Variants in ITFG2 observed in about 807,000 individuals in gnomAD.
ITFG2 encodes the protein KICSTOR complex protein ITFG2.
In ITFG2, 36 loss-of-function variants were observed where a neutral mutation model predicts 54.4. The observed-to-expected ratio is 0.66, with a 90% CI of 0.51 to 0.87. The LOEUF (loss-of-function observed/expected upper bound fraction) is 0.87. ITFG2 is among the 40% of genes least tolerant of loss of function. ITFG2 has a pLI of 0.00. For synonymous variants in ITFG2, 211 were observed against 225.4 expected, an observed-to-expected ratio of 0.94 and a Z score of 0.57; for missense variants, 524 against 576.7, an observed-to-expected ratio of 0.91 and a Z score of 0.94.
chr12:2,820,905 G>T (rs2097941829), intron 6 of ITFG2, 33 bp downstream of exon 6: 1 of 1,607,522 alleles, frequency 6.2e-7, no homozygotes, highest in Non-Finnish European at 8.5e-7. Flanking sequence ...ATGGTGTGGG[G>T]GTGCATGGAA....
chr12:2,828,107 A>C, downstream of ITFG2: 1 of 1,466,036 alleles, frequency 6.8e-7, no homozygotes, highest in Non-Finnish European at 9.4e-7. Flanking sequence ...CACCCCATTA[A>C]TCAGCAGGTG....
chr12:2,827,759 CT>C, downstream of ITFG2: 1 of 1,610,030 alleles, frequency 6.2e-7, no homozygotes, highest in South Asian at 1.1e-5. This position sits in a 1 kb window ranked among gnomAD's most constrained non-coding sequence, Gnocchi z 4.0. Context: ...TGCTCCTTCT[CT>C]GCCCACCCCA....
downstream of ITFG2, chr12:2,830,994 C>T: frequency 7.0e-6 from 6 of 852,898 alleles, no homozygotes; most frequent in South Asian, 3.7e-5. Context: ...GGAGTTTACC[C>T]TAGGGTCCCA....
At chr12:2,830,534 A>C (rs530488945) in intron 2 of ITFG2, 4 of 605,046 alleles carry the variant, frequency 6.6e-6, no homozygotes. Flanking sequence ...CCGAGGAGAC[A>C]TGGCTTGGGG....
chr12:2,849,910 A>G (rs148621336), intron 2 of ITFG2, among the ~76,000 whole-genome samples: 77 of 152,362 alleles, frequency 5.1e-4, no homozygotes, highest in African/African-American at 1.7e-3. Context: ...GCCTCTTCTC[A>G]GTAAGCCTGC....
At chr12:2,856,928 A>G (rs1319743611) in intron 2 of ITFG2, 2 of 702,888 alleles carry the variant, frequency 2.8e-6, no homozygotes, top group Non-Finnish European at 5.2e-6. Flanking sequence ...ACAAAAAGGT[A>G]GGCGGCAGAG....
At chr12:2,858,461 C>T (rs923942157) in intron 3 of ITFG2, 18 of 589,708 alleles carry the variant, frequency 3.1e-5, no homozygotes, top group Non-Finnish European at 4.8e-5. Context: ...TCTTGGGGAA[C>T]ACAAGGTCCC....
chr12:2,844,433 A>G (rs1441780822), intron 2 of ITFG2, among the ~76,000 whole-genome samples: 1 of 152,118 alleles, frequency 6.6e-6, no homozygotes, highest in African/African-American at 2.4e-5. Context: ...GTGCGCTTGT[A>G]ATCCCAGCTA....
chr12:2,822,062 G>A (rs1302533912), intron 9 of ITFG2, among the ~76,000 whole-genome samples: 1 of 151,854 alleles, frequency 6.6e-6, no homozygotes, highest in African/African-American at 2.4e-5. Flanking sequence ...TGAGAAGCTG[G>A]GACTACAGGC....
chr12:2,824,284 G>A lies in ITFG2; in HGVS notation c.*91G>A. 1 of 1,308,954 alleles carries A rather than the reference G, an allele frequency of 7.6e-7. No homozygotes were observed. Among genetic ancestry groups the A allele is most frequent in the Non-Finnish European group, 1.1e-6 (1 of 911,316 alleles). 81.1% of individuals were successfully genotyped at this position (1,308,954 alleles called of 1,614,324 possible). On this transcript the variant is annotated 3_prime_UTR_variant, in exon 12 of 12. Coordinates refer to ENST00000228799, the MANE Select transcript of ITFG2 (RefSeq NM_018463.4). ...GTGGTATTGGCAGGATAGGGAATAT[G>A]CATTACAGAAATGCAGGATTTGACT...
Position 2,820,355 on chromosome 12 carries a change from G to A in ITFG2, c.546+130G>A, listed in dbSNP as rs186352072. 40 of 1,158,730 alleles carry A rather than the reference G, an allele frequency of 3.5e-5. No homozygotes were observed. In the African/African-American group the frequency reaches 5.9e-4, roughly 17 times the overall value. The allele number at this position is 1,158,730 out of a possible 1,614,324, so 71.8% of individuals were successfully genotyped here. ...AGTGAAAAGTCACCTTGTCAAGAGA[G>A]ATCCAAAGACCATTTCAAATCAGGG... is the stretch of plus-strand genomic sequence containing the variant. On this transcript the variant is annotated intron_variant, in intron 5 of 11. Transcript: ENST00000228799.
chr12:2,813,583 C>T (rs2153922951), intron 1 of ITFG2, among the ~76,000 whole-genome samples: 1 of 152,184 alleles, frequency 6.6e-6, no homozygotes, highest in Admixed American at 6.5e-5. Context: ...GAGGATTCTC[C>T]GGTGGAGCAT....
chr12:2,834,950 T>C (rs768275508), upstream of ITFG2: 1 of 1,592,392 alleles, frequency 6.3e-7, no homozygotes, highest in South Asian at 1.1e-5. Flanking sequence ...CAGGAGGGTC[T>C]CCACGGGAGG....
chr12:2,832,932 C>T (rs909475184), upstream of ITFG2, among the ~76,000 whole-genome samples: 10 of 151,788 alleles, frequency 6.6e-5, no homozygotes, highest in Non-Finnish European at 1.5e-4. Context: ...AAAAGTTCAG[C>T]GAGCTCTGGG....
upstream of ITFG2, chr12:2,834,640 A>C (rs2098019132): frequency 6.3e-7 from 1 of 1,584,306 alleles, no homozygotes; most frequent in African/African-American, 1.4e-5. Context: ...GTGATGCCTC[A>C]CCAAGTCCTT....
intron 2 of ITFG2, chr12:2,857,393 TCTTA>T (rs1195950243): frequency 3.3e-6 from 1 of 307,660 alleles, no homozygotes. Context: ...CGTGAGCTTG[TCTTA>T]TTAAGAACCC....
At chr12:2,839,682 T>A (rs2098036429) in intron 1 of ITFG2, among the ~76,000 whole-genome samples, 1 of 152,278 alleles carries the variant, frequency 6.6e-6, no homozygotes, top group African/African-American at 2.4e-5. Context: ...GTTCACATTC[T>A]AATGGAACAG....
chr12:2,827,160 T>A (rs2097971591), downstream of ITFG2: 1 of 1,613,066 alleles, frequency 6.2e-7, no homozygotes, highest in Non-Finnish European at 8.5e-7. This position sits in a 1 kb window ranked among gnomAD's most constrained non-coding sequence, Gnocchi z 4.0. Context: ...ACACGCCTCT[T>A]CTTCTAAGGC....
chr12:2,839,595 C>T (rs747412099), intron 1 of ITFG2, among the ~76,000 whole-genome samples: 8 of 152,052 alleles, frequency 5.3e-5, no homozygotes, highest in Non-Finnish European at 1.2e-4. Context: ...AGTTATTGAG[C>T]GCCTACTATG....
Sources: allele counts gnomAD v4.1 joint callset (sites outside exome capture counted in the v4.1 genomes callset), GRCh38; gene constraint gnomAD v4.1.1; non-coding constraint Gnocchi (gnomAD v3.1); transcripts MANE v1.5; gene names NCBI Gene and HGNC (gene_info 2026-07-23, HGNC 2026-07-21).